Variants in SEC31A observed in about 807,000 individuals in gnomAD.
SEC31A encodes SEC31 homolog A, COPII component, also known as protein transport protein Sec31A.
In SEC31A, 70 loss-of-function variants were observed where a neutral mutation model predicts 151.0. The ratio of observed to expected loss-of-function variants is 0.46; its 90% confidence interval spans 0.38 to 0.57. The LOEUF (loss-of-function observed/expected upper bound fraction) is 0.57. SEC31A is among the 20% of genes least tolerant of loss of function. The pLI, the probability that SEC31A is intolerant of heterozygous loss-of-function variation, is 0.00. For missense variants in SEC31A, 1,330 were observed against 1,471.2 expected (o/e 0.90, Z 1.57); for synonymous variants, 475 against 505.9 (o/e 0.94, Z 0.82).
At chr4:82,887,758 T>C (rs1741067682) in intron 1 of SEC31A, among the ~76,000 whole-genome samples, 1 of 152,220 alleles carries the variant, frequency 6.6e-6, no homozygotes, top group Admixed American at 6.5e-5. Flanking sequence ...ACCACGAAAC[T>C]TCAAAAATAC....
At chr4:82,892,082 G>C (rs1039300926), upstream of SEC31A, among the ~76,000 whole-genome samples, 5 of 152,230 alleles carry the variant, frequency 3.3e-5, no homozygotes. Flanking sequence ...TACATCTTCT[G>C]TAACATTCCA....
upstream of SEC31A, chr4:82,893,578 AATTT>A (rs1719934329): frequency 1.3e-5 from 2 of 152,354 alleles, no homozygotes; most frequent in South Asian, 4.1e-4. Context: ...TTATTTCACA[AATTT>A]GTTTAAGGGC....
rs767637183 is a variant in SEC31A at position 82,878,933 on chromosome 4, A to G, written c.204-5T>C. The G allele has an allele frequency of 6.2e-7, 1 of 1,601,492 alleles. No homozygotes were observed. Among genetic ancestry groups the G allele is most frequent in the African/African-American group, 1.3e-5 (1 of 74,626 alleles). On this transcript the variant is annotated splice_region_variant and splice_polypyrimidine_tract_variant and intron_variant, in intron 3 of 26. Coordinates refer to ENST00000395310, the MANE Select transcript of SEC31A (RefSeq NM_001077207.4). ...CCCCAAATCAACTTGTGGTACCTAC[A>G]GGAGAAAATGAATAAAATCATTCAT...
At position 82,870,428 on chromosome 4, in the gene SEC31A, T is replaced by C. The variant is rs755322292; in HGVS notation, c.783-4A>G. 12 of 1,605,192 alleles carry C rather than the reference T, an allele frequency of 7.5e-6. No homozygotes were observed. The highest frequency in any genetic ancestry group is 2.2e-5 in the South Asian group (2 of 90,320). ...CCAAGCAATTGCCAAAATCCCCCTA[T>C]AAAAAACATAAAGGAACAAGGAAAT... On this transcript the variant is annotated splice_polypyrimidine_tract_variant and splice_region_variant and intron_variant, in intron 7 of 26. Coordinates refer to ENST00000395310, the MANE Select transcript of SEC31A (RefSeq NM_001077207.4).
chr4:82,839,859 C>T (rs911149615), intron 22 of SEC31A, among the ~76,000 whole-genome samples: 1 of 152,142 alleles, frequency 6.6e-6, no homozygotes, highest in African/African-American at 2.4e-5. Context: ...TGTATATAAA[C>T]AAAGACTAAT....
intron 5 of SEC31A, 125 bp downstream of exon 5, chr4:82,875,602 A>G (rs1252646395): frequency 4.7e-6 from 3 of 631,606 alleles, no homozygotes; most frequent in Non-Finnish European, 8.5e-6. Flanking sequence ...AAAATCAGTA[A>G]TATCTAAACA....
chr4:82,833,503 A>C (rs1043669807), intron 22 of SEC31A, among the ~76,000 whole-genome samples: 1 of 149,890 alleles, frequency 6.7e-6, no homozygotes, highest in African/African-American at 2.4e-5. Flanking sequence ...CCATGTAACA[A>C]AACTGCATGT....
intron 1 of SEC31A, among the ~76,000 whole-genome samples, chr4:82,888,842 A>C (rs1741579618): frequency 6.6e-6 from 1 of 152,248 alleles, no homozygotes; most frequent in African/African-American, 2.4e-5. Context: ...AATTTTGTGA[A>C]GCAATACTAA....
At chr4:82,880,943 G>T (rs200710013) in intron 2 of SEC31A, 21 bp from the exon 3 acceptor site, 14 of 1,576,772 alleles carry the variant, frequency 8.9e-6, no homozygotes, top group Non-Finnish European at 1.2e-5. Flanking sequence ...TATATTTATG[G>T]TAACTATACA....
intron 22 of SEC31A, among the ~76,000 whole-genome samples, chr4:82,841,429 G>GA (rs1301549156): frequency 1.9e-4 from 9 of 47,676 alleles, no homozygotes; most frequent in Non-Finnish European, 3.8e-4. Flanking sequence ...TCTCAAAAAA[G>GA]AAAAAAAAAA....
At chr4:82,883,470 T>C (rs767752429) in intron 1 of SEC31A, among the ~76,000 whole-genome samples, 5 of 152,174 alleles carry the variant, frequency 3.3e-5, no homozygotes, top group Non-Finnish European at 5.9e-5. Flanking sequence ...AACAGTAATA[T>C]ACGATTACTT....
chr4:82,874,742 C>T lies in SEC31A; in HGVS notation c.508G>A (p.Asp170Asn). Residue 170 changes from aspartate (D) to asparagine (N), a missense_variant, in exon 6 of 27, where the codon GAT becomes AAT. By Grantham distance (23) the Asp-to-Asn change is conservative (BLOSUM62 1). Coordinates refer to ENST00000395310, the MANE Select transcript of SEC31A (RefSeq NM_001077207.4). ...TPGAKTQPPE[D>N]ISCIAWNRQV... Reference sequence around the variant, plus strand: ...CTGTTCCATGCAATGCAGCTGATATCTTCTGGCGGCTACAAGGAAGAAACA... The same window carrying T: ...CTGTTCCATGCAATGCAGCTGATATTTTCTGGCGGCTACAAGGAAGAAACA... 1 of 1,603,694 alleles carries T rather than the reference C, an allele frequency of 6.2e-7. No individual in the cohort carries two copies. The highest frequency in any genetic ancestry group is 8.5e-7 in the Non-Finnish European group (1 of 1,177,782).
At chr4:82,868,426 A>C (rs921322390) in intron 8 of SEC31A, among the ~76,000 whole-genome samples, 4 of 152,072 alleles carry the variant, frequency 2.6e-5, no homozygotes, top group Admixed American at 2.6e-4. Flanking sequence ...GATGGAGCCC[A>C]AGAGGTCAAG....
At chr4:82,889,653 C>T (rs1741812621) in intron 1 of SEC31A, among the ~76,000 whole-genome samples, 1 of 152,064 alleles carries the variant, frequency 6.6e-6, no homozygotes, top group African/African-American at 2.4e-5. Context: ...GAAATCCCCC[C>T]AAAATTTTGA....
chr4:82,846,010 G>C (rs1000496367), intron 20 of SEC31A, among the ~76,000 whole-genome samples: 4 of 151,792 alleles, frequency 2.6e-5, no homozygotes, highest in Non-Finnish European at 4.4e-5. Context: ...TTGTTTGTTT[G>C]TTTTTCCGAG....
intron 1 of SEC31A, among the ~76,000 whole-genome samples, chr4:82,887,495 A>G (rs1467905726): frequency 6.6e-6 from 1 of 152,246 alleles, no homozygotes; most frequent in Non-Finnish European, 1.5e-5. Context: ...AATTAAGAGC[A>G]TGGGGTCTAG....
intron 6 of SEC31A, among the ~76,000 whole-genome samples, chr4:82,873,369 C>T (rs1302412700): frequency 6.7e-6 from 1 of 148,300 alleles, no homozygotes; most frequent in Non-Finnish European, 1.5e-5. Flanking sequence ...AAAAAAAAAA[C>T]CCTTAAAAAA....
intron 3 of SEC31A, chr4:82,897,977 A>AGG: frequency 6.6e-6 from 1 of 152,210 alleles, no homozygotes; most frequent in Non-Finnish European, 1.5e-5. Flanking sequence ...TTAAAATAGA[A>AGG]AGATATACTA....
At chr4:82,845,294 C>T in intron 20 of SEC31A, 1 of 1,461,592 alleles carries the variant, frequency 6.8e-7, no homozygotes, top group Non-Finnish European at 9.1e-7. Flanking sequence ...CAATTCTAAC[C>T]TGAATTGAAC....
Sources: allele counts gnomAD v4.1 joint callset (sites outside exome capture counted in the v4.1 genomes callset), GRCh38; gene constraint gnomAD v4.1.1; transcripts MANE v1.5; gene names NCBI Gene and HGNC (gene_info 2026-07-23, HGNC 2026-07-21).